The following MCC variants were observed in gnomAD, a reference collection of about 807,000 sequenced individuals.
The protein encoded by MCC is colorectal mutant cancer protein.
In MCC, 90 loss-of-function variants were observed where a neutral mutation model predicts 116.2. The observed-to-expected ratio is 0.77, with a 90% CI of 0.65 to 0.92. The LOEUF (loss-of-function observed/expected upper bound fraction) is 0.92. Ranked by LOEUF, MCC falls within the 40% of genes least tolerant of loss-of-function variation. The pLI is 0.00. For missense variants in MCC, 1,516 were observed against 1,312.2 expected, an observed-to-expected ratio of 1.16 and a Z score of -2.40; for synonymous variants, 578 against 510.5, an observed-to-expected ratio of 1.13 and a Z score of -1.78.
chr5:113,140,008 T>C (rs1759085439), intron 5 of MCC, among the ~76,000 whole-genome samples: 1 of 152,044 alleles, frequency 6.6e-6, no homozygotes, highest in African/African-American at 2.4e-5. Context: ...TGGGAGAAAA[T>C]ATTTGCAAAC....
At chr5:113,295,980 T>A (rs1463156827) in intron 3 of MCC, among the ~76,000 whole-genome samples, 1 of 152,196 alleles carries the variant, frequency 6.6e-6, no homozygotes, top group African/African-American at 2.4e-5. Flanking sequence ...AAATCATGTT[T>A]ATTTTGCTCT....
intron 17 of MCC, among the ~76,000 whole-genome samples, chr5:113,032,590 G>C (rs759965402): frequency 1.3e-5 from 2 of 152,182 alleles, no homozygotes; most frequent in Non-Finnish European, 2.9e-5. Context: ...CCAGTGGACA[G>C]TGCTGCTCTA....
At chr5:113,473,422 C>T (rs1772148173) in intron 1 of MCC, among the ~76,000 whole-genome samples, 1 of 151,994 alleles carries the variant, frequency 6.6e-6, no homozygotes, top group South Asian at 2.1e-4. Context: ...TACTTGGAAG[C>T]CTGATGCGGG....
intron 3 of MCC, among the ~76,000 whole-genome samples, chr5:113,222,271 T>G (rs964456692): frequency 1.3e-5 from 2 of 152,234 alleles, no homozygotes; most frequent in East Asian, 3.8e-4. Flanking sequence ...TTAACCTCAC[T>G]TTGTCATGAT....
intron 3 of MCC, among the ~76,000 whole-genome samples, chr5:113,235,918 C>A (rs539087591): frequency 6.6e-6 from 1 of 152,128 alleles, no homozygotes; most frequent in African/African-American, 2.4e-5. Context: ...TTTTGGTAGC[C>A]GTTAAAATTC....
chr5:113,131,203 C>A (rs559667783), intron 5 of MCC, among the ~76,000 whole-genome samples: 2 of 152,262 alleles, frequency 1.3e-5, no homozygotes, highest in East Asian at 3.9e-4. Context: ...AAGAAAATAA[C>A]CTCCTTGGGA....
intron 2 of MCC, among the ~76,000 whole-genome samples, chr5:113,369,707 T>A (rs1768792182): frequency 6.6e-6 from 1 of 152,180 alleles, no homozygotes; most frequent in Non-Finnish European, 1.5e-5. Context: ...ACTATGGTAG[T>A]CTGTTGGGCC....
rs1389863078 is a variant in MCC at position 113,291,825 on chromosome 5, G to C, written c.627+48694C>G. Reference sequence around the variant, plus strand: ...CTAATGTGAGGAATACAAACGAATTGTATTTGAATCTATGGATACTGCTCT... The same window carrying C: ...CTAATGTGAGGAATACAAACGAATTCTATTTGAATCTATGGATACTGCTCT... On this transcript the variant is annotated intron_variant, in intron 3 of 18. Transcript: ENST00000408903. Among the ~76,000 whole-genome samples the C allele has an allele frequency of 2.0e-5, 3 of 152,316 alleles. No individual in the cohort carries two copies. In the South Asian group the frequency reaches 6.2e-4, roughly 32 times the overall value.
At chr5:113,372,071 C>T (rs781264984) in intron 2 of MCC, among the ~76,000 whole-genome samples, 11 of 152,040 alleles carry the variant, frequency 7.2e-5, no homozygotes, top group Non-Finnish European at 1.0e-4. Flanking sequence ...TAAATCATGC[C>T]GGAGAGAGAA....
chr5:113,087,689 C>A (rs1167449427), intron 8 of MCC, among the ~76,000 whole-genome samples: 4 of 151,920 alleles, frequency 2.6e-5, no homozygotes, highest in Non-Finnish European at 5.9e-5. Flanking sequence ...ATGTTAACAC[C>A]ACTCCAAAAC....
At chr5:113,134,926 T>G (rs1758716083) in intron 5 of MCC, among the ~76,000 whole-genome samples, 1 of 149,726 alleles carries the variant, frequency 6.7e-6, no homozygotes, top group Non-Finnish European at 1.5e-5. Flanking sequence ...TAATTTTCCT[T>G]GTAGAGAACT....
chr5:113,160,655 C>A (rs886870357), intron 3 of MCC, among the ~76,000 whole-genome samples: 5 of 152,188 alleles, frequency 3.3e-5, no homozygotes, highest in African/African-American at 4.8e-5. Flanking sequence ...TGCAAATACC[C>A]ACGAAACTGT....
intron 3 of MCC, among the ~76,000 whole-genome samples, chr5:113,332,460 A>T (rs1767722131): frequency 6.6e-6 from 1 of 151,146 alleles, no homozygotes; most frequent in Admixed American, 6.6e-5. Context: ...CTATAATCCC[A>T]GCACTTTGGG....
intron 11 of MCC, among the ~76,000 whole-genome samples, chr5:113,078,454 C>A (rs1172783986): frequency 6.6e-6 from 1 of 152,184 alleles, no homozygotes; most frequent in Non-Finnish European, 1.5e-5. Context: ...AAAAGCTTAT[C>A]CACCATGATC....
chr5:113,161,917 G>A (rs184364176), intron 3 of MCC, among the ~76,000 whole-genome samples: 12 of 152,322 alleles, frequency 7.9e-5, no homozygotes, highest in East Asian at 1.9e-4. Context: ...GGCATGCTCC[G>A]TTTCAGGGAA....
chr5:113,317,119 C>T (rs532394728), intron 3 of MCC, among the ~76,000 whole-genome samples: 19 of 152,204 alleles, frequency 1.2e-4, no homozygotes, highest in Middle Eastern at 3.4e-3. Context: ...TTCCTTAAAG[C>T]GGGATACCAG....
chr5:113,124,478 G>A (rs577636658), intron 5 of MCC, among the ~76,000 whole-genome samples: 23 of 152,348 alleles, frequency 1.5e-4, no homozygotes, highest in African/African-American at 5.0e-4. Flanking sequence ...GAAAGCAAGT[G>A]ATAAATGCTG....
chr5:113,358,199 T>C (rs920200466), intron 2 of MCC, among the ~76,000 whole-genome samples: 2 of 152,340 alleles, frequency 1.3e-5, no homozygotes, highest in East Asian at 1.9e-4. Context: ...TCTCTGAGTA[T>C]GGAATATTCC....
chr5:113,207,666 G>C (rs1762967797), intron 3 of MCC, among the ~76,000 whole-genome samples: 1 of 152,100 alleles, frequency 6.6e-6, no homozygotes, highest in Admixed American at 6.5e-5. Flanking sequence ...GGTTTTCCTA[G>C]GGCACTTAAA....
Sources: gnomAD v4.1 joint callset for allele counts (sites outside exome capture counted in the v4.1 genomes callset) on GRCh38, gnomAD v4.1.1 for gene constraint, MANE v1.5 for transcripts, NCBI Gene and HGNC (gene_info 2026-07-23, HGNC 2026-07-21) for gene names.